Variants in CD109 observed in about 807,000 individuals in gnomAD.
CD109 encodes CD109 molecule.
Under a neutral mutation model 165.8 loss-of-function variants are expected in CD109, and 149 were observed. That is an observed-to-expected ratio of 0.90 (90% confidence interval 0.79 to 1.03). CD109 has a LOEUF of 1.03. CD109 is among the 50% of genes least tolerant of loss of function. The pLI is 0.00. For missense variants in CD109, 1,712 were observed against 1,677.8 expected (o/e 1.02, Z -0.36); for synonymous variants, 585 against 592.1 (o/e 0.99, Z 0.18).
chr6:73,810,993 A>G lies in CD109; in HGVS notation c.3548A>G (p.Asp1183Gly), dbSNP rs1004626419. 1 of 1,612,390 alleles carries G rather than the reference A, an allele frequency of 6.2e-7. No homozygotes were observed. The highest frequency in any genetic ancestry group is 1.3e-5 in the African/African-American group (1 of 74,822). ...NSLGGFASTQ[D>G]TTVALKALSE... ...CAAATGTTTTTCTTCCCTCAACAGG[A>G]TACCACTGTGGCTTTAAAGGCTCTG... Residue 1183 changes from aspartate (D) to glycine (G), a missense_variant and splice_region_variant, in exon 28 of 33, where the codon GAT becomes GGT. Asp to Gly is a moderately conservative substitution (Grantham distance 94). Transcript: ENST00000287097.
intron 2 of CD109, among the ~76,000 whole-genome samples, chr6:73,712,203 C>T (rs1022366662): frequency 1.2e-4 from 3 of 24,566 alleles, no homozygotes; most frequent in East Asian, 1.1e-3. Context: ...AGCGAGACTC[C>T]GTCTCAAAAA....
At chr6:73,775,620 G>A (rs991494017) in intron 15 of CD109, among the ~76,000 whole-genome samples, 1 of 152,054 alleles carries the variant, frequency 6.6e-6, no homozygotes, top group African/African-American at 2.4e-5. Flanking sequence ...CATTACTCAG[G>A]TATGAAGTCC....
chr6:73,817,648 G>A (rs1158113186), intron 30 of CD109, among the ~76,000 whole-genome samples: 3 of 152,048 alleles, frequency 2.0e-5, no homozygotes, highest in Non-Finnish European at 4.4e-5. Flanking sequence ...ACTTAGCTGG[G>A]CTCCTTCTGC....
chr6:73,771,107 C>T (rs1176498516), intron 14 of CD109, among the ~76,000 whole-genome samples: 1 of 152,150 alleles, frequency 6.6e-6, no homozygotes, highest in Non-Finnish European at 1.5e-5. Flanking sequence ...TGGCCTTCCC[C>T]AGGTATGCTA....
intron 31 of CD109, among the ~76,000 whole-genome samples, chr6:73,818,789 G>C (rs569035781): frequency 6.6e-6 from 1 of 152,230 alleles, no homozygotes; most frequent in South Asian, 2.1e-4. Context: ...TGCCAGATGT[G>C]AAATACATAG....
chr6:73,755,558 A>G (rs1051873768), intron 5 of CD109, among the ~76,000 whole-genome samples: 3 of 152,200 alleles, frequency 2.0e-5, no homozygotes, highest in Admixed American at 6.5e-5. Flanking sequence ...GTTTGATTTG[A>G]TAAATTTGGG....
chr6:73,754,278 C>T (rs1412427541), intron 5 of CD109, among the ~76,000 whole-genome samples: 2 of 151,940 alleles, frequency 1.3e-5, no homozygotes, highest in Non-Finnish European at 2.9e-5. Context: ...CTGATGAGAG[C>T]CTGAAGAGTG....
At chr6:73,685,917 T>A in the CD109 span, among the ~76,000 whole-genome samples, 2 of 152,260 alleles carry the variant, frequency 1.3e-5, no homozygotes, top group South Asian at 4.1e-4. Flanking sequence ...TGTATTTCTT[T>A]TTCTTTGCTA....
chr6:73,718,605 C>A (rs1411190647), intron 2 of CD109, among the ~76,000 whole-genome samples: 2 of 151,422 alleles, frequency 1.3e-5, no homozygotes, highest in Non-Finnish European at 2.9e-5. Flanking sequence ...CAGTGCAGAG[C>A]AGTGGTTTAG....
intron 23 of CD109, among the ~76,000 whole-genome samples, chr6:73,799,847 T>TC (rs1562076690): frequency 1.7e-5 from 2 of 118,228 alleles, no homozygotes; most frequent in East Asian, 2.6e-4. Context: ...GTTTTCTCAT[T>TC]TCCCCCCGCA....
At chr6:73,742,562 G>T (rs1281494600) in intron 5 of CD109, among the ~76,000 whole-genome samples, 1 of 152,226 alleles carries the variant, frequency 6.6e-6, no homozygotes, top group Non-Finnish European at 1.5e-5. Context: ...AGAGCTCCAG[G>T]TCTTTGCGTG....
chr6:73,705,597 G>A (rs1000794661), intron 2 of CD109, among the ~76,000 whole-genome samples: 1 of 151,466 alleles, frequency 6.6e-6, no homozygotes, highest in Non-Finnish European at 1.5e-5. Context: ...TCTAGCCTGG[G>A]TAACAAAGCA....
chr6:73,762,796 AT>A lies in CD109; in HGVS notation c.913del (p.Ser305LeufsTer17). The A allele has an allele frequency of 1.2e-6, 2 of 1,610,566 alleles. No homozygotes were observed. Among genetic ancestry groups the A allele is most frequent in the Non-Finnish European group, 1.7e-6 (2 of 1,177,142 alleles). ...FNDEEMKNVMDSSNGLSEYLD... is the reference protein window; with the variant it reads ...FNDEEMKNVMXSSNGLSEYLD... ...GATGAAGAGATGAAAAATGTAATGGATTCTTCAAATGGACTTTCTGAATACC... is the reference window on the plus strand; with the variant it reads ...GATGAAGAGATGAAAAATGTAATGGATCTTCAAATGGACTTTCTGAATACC... On this transcript the variant is annotated frameshift_variant, in exon 9 of 33. Coordinates refer to ENST00000287097, the MANE Select transcript of CD109 (RefSeq NM_133493.5). LOFTEE classifies it high-confidence loss of function.
At chr6:73,802,257 ATGTGTGTG>A (rs533767572) in intron 23 of CD109, among the ~76,000 whole-genome samples, 2 of 100,392 alleles carry the variant, frequency 2.0e-5, no homozygotes, top group South Asian at 3.6e-4. Flanking sequence ...GCATGTGTAT[ATGTGTGTG>A]TGTGTGTGTG....
At chr6:73,780,733 CTTTATG>C (rs1774452138) in intron 16 of CD109, among the ~76,000 whole-genome samples, 1 of 117,864 alleles carries the variant, frequency 8.5e-6, no homozygotes, top group African/African-American at 3.4e-5. Flanking sequence ...ATAATTTTTC[CTTTATG>C]TATATGTATT....
intron 5 of CD109, among the ~76,000 whole-genome samples, chr6:73,750,027 G>A (rs1481278307): frequency 2.0e-5 from 3 of 152,118 alleles, no homozygotes; most frequent in African/African-American, 4.8e-5. Flanking sequence ...GCTTATAATC[G>A]AATACCTTCA....
chr6:73,697,590 AAGTC>A lies in CD109; in HGVS notation c.247+19_247+22del. ...TGAAAAAGGTAAGATAAACAGCATA[AAGTC>A]TTACCCTTCTGCAGTAATAACTGGA... On this transcript the variant is annotated intron_variant, in intron 2 of 32. Transcript: ENST00000287097. 1 of 1,606,388 alleles carries A rather than the reference AAGTC, an allele frequency of 6.2e-7. No individual in the cohort carries two copies.
intron 5 of CD109, 43 bp downstream of exon 5, chr6:73,736,551 T>C: frequency 6.4e-7 from 1 of 1,570,086 alleles, no homozygotes; most frequent in Non-Finnish European, 8.7e-7. Context: ...TAAAGTGATT[T>C]AATTAGGTCA....
chr6:73,809,602 A>C (rs557461342), intron 26 of CD109, among the ~76,000 whole-genome samples: 1 of 152,200 alleles, frequency 6.6e-6, no homozygotes, highest in South Asian at 2.1e-4. Context: ...TCCAATGAGC[A>C]TTTCCTTTGA....
Sources: gnomAD v4.1 joint callset for allele counts (sites outside exome capture counted in the v4.1 genomes callset) on GRCh38, gnomAD v4.1.1 for gene constraint, MANE v1.5 for transcripts, NCBI Gene and HGNC (gene_info 2026-07-23, HGNC 2026-07-21) for gene names.